Variants in SLC35A5 observed in about 807,000 individuals in gnomAD.
The protein encoded by SLC35A5 is solute carrier family 35 member A5.
A neutral mutation model predicts 36.3 loss-of-function variants in SLC35A5; 28 were observed. That is an observed-to-expected ratio of 0.77 (90% CI 0.57 to 1.06). The LOEUF is 1.06. Among genes scored for constraint, SLC35A5 ranks in the 50% least tolerant of loss-of-function variants. The pLI, the probability that SLC35A5 is intolerant of heterozygous loss-of-function variation, is 0.00. For missense variants in SLC35A5, 521 were observed against 499.3 expected (o/e 1.04, Z -0.41); for synonymous variants, 180 against 173.7 (o/e 1.04, Z -0.29).
chr3:112,569,112 G>C, intron 2 of SLC35A5, 59 bp from the exon 3 acceptor site: 1 of 1,310,020 alleles, frequency 7.6e-7, no homozygotes. Flanking sequence ...ATGTTATACT[G>C]TATATAAACA....
chr3:112,574,711 CAG>C (rs770097872), intron 5 of SLC35A5, among the ~76,000 whole-genome samples: 11 of 151,684 alleles, frequency 7.3e-5, no homozygotes, highest in Non-Finnish European at 4.4e-5. Flanking sequence ...TATTGATTCT[CAG>C]TGTGCTGTGT....
upstream of SLC35A5, chr3:112,561,335 C>T (rs777105908): frequency 8.0e-6 from 8 of 1,000,502 alleles, no homozygotes; most frequent in Non-Finnish European, 1.1e-5. Context: ...TTCCCTGTGT[C>T]TCGAGCCCTA....
At position 112,569,267 on chromosome 3, in the gene SLC35A5, A is replaced by C; in HGVS notation, c.227A>C (p.Lys76Thr). 6.2e-7 allele frequency: 1 copy of C among 1,613,282 alleles called. No homozygotes were observed. The highest frequency in any genetic ancestry group is 8.5e-7 in the Non-Finnish European group (1 of 1,179,360). The change falls in exon 3 of 7, where the codon AAA (lysine) becomes ACA (threonine). Residue 76 changes from lysine (K) to threonine (T), a missense_variant and splice_region_variant. Physicochemically the swap from Lys to Thr is moderately conservative, Grantham distance 78. Coordinates refer to ENST00000492406, the MANE Select transcript of SLC35A5 (RefSeq NM_017945.5). ...CTTGTGTCATTCTGTGTTATAAAGAAAGGTAAGTCTTGAAATGGTACTATA... is the reference window on the plus strand; with the variant it reads ...CTTGTGTCATTCTGTGTTATAAAGACAGGTAAGTCTTGAAATGGTACTATA... ...CVLVSFCVIKKDHQSRNLKYA... is the reference protein window; with the variant it reads ...CVLVSFCVIKTDHQSRNLKYA...
chr3:112,566,552 G>A (rs1934203893), intron 2 of SLC35A5, among the ~76,000 whole-genome samples: 1 of 152,166 alleles, frequency 6.6e-6, no homozygotes, highest in Non-Finnish European at 1.5e-5. Context: ...GCGGACACCA[G>A]AAAAGCATTA....
chr3:112,569,019 TA>T, intron 2 of SLC35A5, 151 bp from the exon 3 acceptor site: 2 of 610,898 alleles, frequency 3.3e-6, no homozygotes, highest in Non-Finnish European at 5.5e-6. Context: ...GTGAATTGAT[TA>T]AAAAATCCAA....
intron 2 of SLC35A5, among the ~76,000 whole-genome samples, chr3:112,564,718 C>T (rs1268141856): frequency 6.6e-6 from 1 of 152,206 alleles, no homozygotes; most frequent in East Asian, 1.9e-4. Flanking sequence ...TGGACAATAC[C>T]TGGCTTTCCT....
intron 4 of SLC35A5, among the ~76,000 whole-genome samples, chr3:112,572,910 T>C (rs942498176): frequency 6.6e-6 from 1 of 152,206 alleles, no homozygotes; most frequent in African/African-American, 2.4e-5. Flanking sequence ...CTTTTCCTCT[T>C]ACTCATCTCC....
chr3:112,570,656 T>A lies in SLC35A5; in HGVS notation c.346T>A (p.Ser116Thr), dbSNP rs61744502. 2 of 1,591,210 alleles carry A rather than the reference T, an allele frequency of 1.3e-6. No homozygotes were observed. Among genetic ancestry groups the A allele is most frequent in the Non-Finnish European group, 1.7e-6 (2 of 1,170,266 alleles). ...TAACTTGATTGTCTTCTATGTCCTG[T>A]CCTATCTTCAACCAGTAAGTAAATA... ...LDNLIVFYVLSYLQPAMAVIF... is the reference protein window; with the variant it reads ...LDNLIVFYVLTYLQPAMAVIF... Residue 116 changes from serine (S) to threonine (T), a missense_variant, in exon 4 of 7, where the codon TCC (serine) becomes ACC (threonine). Physicochemically the swap from Ser to Thr is moderately conservative, Grantham distance 58. Coordinates refer to ENST00000492406, the MANE Select transcript of SLC35A5 (RefSeq NM_017945.5).
chr3:112,572,371 G>T (rs2705506), intron 4 of SLC35A5, among the ~76,000 whole-genome samples: 149,537 of 152,224 alleles, frequency 0.98, 73,454 homozygotes, highest in Admixed American at 0.99. Context: ...ACTGGGCCAG[G>T]TGATCACCTG....
At chr3:112,572,760 A>G (rs1934503142) in intron 4 of SLC35A5, among the ~76,000 whole-genome samples, 2 of 152,180 alleles carry the variant, frequency 1.3e-5, no homozygotes, top group African/African-American at 4.8e-5. Flanking sequence ...TGATGTTTTT[A>G]TTTTATCCTC....
Position 112,570,670 on chromosome 3 carries a change from A to G in SLC35A5, c.360A>G (p.Pro120=), listed in dbSNP as rs769564033. The change falls in exon 4 of 7, where the codon CCA becomes CCG. Residue 120 remains proline, a splice_region_variant and synonymous_variant. Coordinates refer to ENST00000492406, the MANE Select transcript of SLC35A5 (RefSeq NM_017945.5). ...TCTATGTCCTGTCCTATCTTCAACC[A>G]GTAAGTAAATATGAAAAAGAAAATA... ...IVFYVLSYLQ[P]AMAVIFSNFS... The G allele has an allele frequency of 1.3e-6, 2 of 1,553,998 alleles. No individual in the cohort carries two copies. Among genetic ancestry groups the G allele is most frequent in the Non-Finnish European group, 1.7e-6 (2 of 1,155,890 alleles).
At chr3:112,562,363 G>C (rs1239590358) in intron 1 of SLC35A5, 90 bp downstream of exon 1, 1 of 152,300 alleles carries the variant, frequency 6.6e-6, no homozygotes, top group Non-Finnish European at 1.5e-5. Flanking sequence ...GTGACTAGAA[G>C]GGTAGTCCCT....
In SLC35A5 at chr3:112,584,608, G is replaced by A. The variant is rs933410157; in HGVS notation, c.*1872G>A. ...TATGTTAACTTGCCACTTAATGAGA[G>A]AGGAAGAGAAAGAGTGAGAGCACAA... On this transcript the variant is annotated 3_prime_UTR_variant, in exon 7 of 7. Coordinates refer to ENST00000492406, the MANE Select transcript of SLC35A5 (RefSeq NM_017945.5). 6.6e-6 allele frequency: 1 copy of A among 152,130 alleles called. No individual in the cohort carries two copies. Among genetic ancestry groups the A allele is most frequent in the Non-Finnish European group, 1.5e-5 (1 of 68,022 alleles). The allele number at this position is 152,130 out of a possible 1,614,324, so 9.4% of individuals were successfully genotyped here.
At position 112,580,571 on chromosome 3, in the gene SLC35A5, G is replaced by T; in HGVS notation, c.454G>T (p.Ala152Ser). ...LKRRLNWIQW[A>S]SLLTLFLSIV... Reference sequence around the variant, plus strand: ...GAGGCGTCTAAACTGGATCCAGTGGGCTTCCCTCCTGACTTTATTTTTGTC... The same window carrying T: ...GAGGCGTCTAAACTGGATCCAGTGGTCTTCCCTCCTGACTTTATTTTTGTC... Residue 152 changes from alanine to serine, a missense_variant, in exon 6 of 7, where the codon GCT (alanine) becomes TCT (serine). Ala to Ser is a moderately conservative substitution (Grantham distance 99, BLOSUM62 1). Transcript: ENST00000492406. 1 of 1,613,392 alleles carries T rather than the reference G, an allele frequency of 6.2e-7. No homozygotes were observed. Among genetic ancestry groups the T allele is most frequent in the Non-Finnish European group, 8.5e-7 (1 of 1,179,660 alleles).
chr3:112,564,359 T>C (rs897833538), intron 2 of SLC35A5: 27 of 152,190 alleles, frequency 1.8e-4, no homozygotes, highest in Admixed American at 1.3e-4. Flanking sequence ...CTCTGCATCA[T>C]AAACAAGGTA....
At chr3:112,577,981 A>G (rs1934743545) in intron 5 of SLC35A5, among the ~76,000 whole-genome samples, 1 of 152,234 alleles carries the variant, frequency 6.6e-6, no homozygotes, top group Admixed American at 6.5e-5. Flanking sequence ...CACCAAATAT[A>G]GAAGTGCTCT....
At chr3:112,565,630 T>C (rs1279932069) in intron 2 of SLC35A5, among the ~76,000 whole-genome samples, 1 of 152,070 alleles carries the variant, frequency 6.6e-6, no homozygotes, top group Non-Finnish European at 1.5e-5. Context: ...TACAAAAAAT[T>C]AGCTGGGTTT....
intron 2 of SLC35A5, among the ~76,000 whole-genome samples, chr3:112,565,076 C>T (rs1277589512): frequency 6.6e-6 from 1 of 152,062 alleles, no homozygotes; most frequent in Non-Finnish European, 1.5e-5. Context: ...AGATGTGTAC[C>T]CAAGTCTCTA....
At chr3:112,577,261 C>G in intron 5 of SLC35A5, among the ~76,000 whole-genome samples, 1 of 152,026 alleles carries the variant, frequency 6.6e-6, no homozygotes, top group Non-Finnish European at 1.5e-5. Flanking sequence ...AATAAAATAC[C>G]TAAAGGCATT....
Sources: allele counts gnomAD v4.1 joint callset (sites outside exome capture counted in the v4.1 genomes callset), GRCh38; gene constraint gnomAD v4.1.1; transcripts MANE v1.5; gene names NCBI Gene and HGNC (gene_info 2026-07-23, HGNC 2026-07-21).